The following PRKAR1B variants were observed in gnomAD, a reference collection of about 807,000 sequenced individuals.
PRKAR1B encodes the protein protein kinase cAMP-dependent type I regulatory subunit beta, also known as cAMP-dependent protein kinase type I-beta regulatory subunit.
A neutral mutation model predicts 46.5 loss-of-function variants in PRKAR1B; 22 were observed. That is an observed-to-expected ratio of 0.47 (90% CI 0.34 to 0.68). The LOEUF (loss-of-function observed/expected upper bound fraction) is 0.68. Ranked by LOEUF, PRKAR1B falls within the 30% of genes least tolerant of loss-of-function variation. The pLI is 0.01. For synonymous variants in PRKAR1B, 259 were observed against 217.7 expected (o/e 1.19, Z -1.67); for missense variants, 445 against 535.6 (o/e 0.83, Z 1.67).
chr7:580,220 C>A (rs1231529992), intron 8 of PRKAR1B, among the ~76,000 whole-genome samples: 1 of 138,612 alleles, frequency 7.2e-6, no homozygotes, highest in East Asian at 2.0e-4. Flanking sequence ...GACAGAGCAA[C>A]ACCCTGTCTC....
At chr7:559,036 G>A (rs1026575568) in intron 9 of PRKAR1B, among the ~76,000 whole-genome samples, 1 of 152,206 alleles carries the variant, frequency 6.6e-6, no homozygotes, top group African/African-American at 2.4e-5. Flanking sequence ...TGCCTTCCTC[G>A]GAGCTGCCGA....
At chr7:702,731 G>A (rs1221800580) in intron 2 of PRKAR1B, among the ~76,000 whole-genome samples, 4 of 152,194 alleles carry the variant, frequency 2.6e-5, no homozygotes, top group African/African-American at 9.7e-5. Context: ...GCTGAGGCAG[G>A]AGAATGGTGT....
intron 8 of PRKAR1B, among the ~76,000 whole-genome samples, chr7:582,294 C>T (rs1224929596): frequency 6.6e-6 from 1 of 152,234 alleles, no homozygotes; most frequent in East Asian, 1.9e-4. Context: ...AGCGGGGTCC[C>T]AGGAGCATCC....
chr7:577,824 A>G (rs1779946610), intron 9 of PRKAR1B, among the ~76,000 whole-genome samples: 1 of 152,200 alleles, frequency 6.6e-6, no homozygotes, highest in African/African-American at 2.4e-5. Context: ...AGGAGGTGGA[A>G]TGAACAGCTT....
chr7:585,360 A>T (rs1780536458), intron 7 of PRKAR1B, among the ~76,000 whole-genome samples: 1 of 152,070 alleles, frequency 6.6e-6, no homozygotes, highest in South Asian at 2.1e-4. Flanking sequence ...CACGAACTCC[A>T]CAACTGTACA....
At chr7:679,039 G>A (rs574767817) in intron 3 of PRKAR1B, among the ~76,000 whole-genome samples, 1 of 152,344 alleles carries the variant, frequency 6.6e-6, no homozygotes, top group East Asian at 1.9e-4. Flanking sequence ...GGTGAGCTGA[G>A]ATCATGCCAT....
In PRKAR1B at chr7:632,411, C is replaced by T. The variant is rs181026345; in HGVS notation, c.441-24959G>A. Among the ~76,000 whole-genome samples, 921 of 152,300 alleles carry T rather than the reference C, an allele frequency of 6.0e-3. 3 individuals are homozygous for T. Among genetic ancestry groups the T allele is most frequent in the Middle Eastern group, 0.01 (3 of 294 alleles). ...TCCCATCCACTGCCCCCCAACACAG[C>T]CCCCCGAGCCGCAGGCTCCACCGGG... On this transcript the variant is annotated intron_variant, in intron 4 of 10. Transcript: ENST00000537384.
At chr7:655,625 A>G (rs574349699) in intron 4 of PRKAR1B, among the ~76,000 whole-genome samples, 19 of 152,304 alleles carry the variant, frequency 1.2e-4, no homozygotes, top group Middle Eastern at 3.4e-3. Context: ...AAAAGAGTTG[A>G]GTAAAGCCAG....
At position 644,614 on chromosome 7, in the gene PRKAR1B, G is replaced by A. The variant is rs1784539123; in HGVS notation, c.440+32615C>T. On this transcript the variant is annotated intron_variant, in intron 4 of 10. Transcript: ENST00000537384. This position sits in a 1 kb window ranked among gnomAD's most constrained non-coding sequence, Gnocchi z 4.9. ...GTGCCCACAACTGGAAGGAAGCAAT[G>A]CAGGGCCGTTCTCAGCCTCAGCAGC... Among the ~76,000 whole-genome samples the A allele has an allele frequency of 6.6e-6, 1 of 152,202 alleles. No homozygotes were observed. Among genetic ancestry groups the A allele is most frequent in the Non-Finnish European group, 1.5e-5 (1 of 68,042 alleles).
At chr7:627,764 G>A (rs1308473212) in intron 4 of PRKAR1B, among the ~76,000 whole-genome samples, 1 of 134,754 alleles carries the variant, frequency 7.4e-6, no homozygotes, top group Non-Finnish European at 1.6e-5. Flanking sequence ...GAGGAGGTGA[G>A]CACCCGCCAC....
intron 4 of PRKAR1B, among the ~76,000 whole-genome samples, chr7:660,009 C>T (rs28499234): frequency 0.011 from 1,747 of 152,176 alleles, 43 homozygotes; most frequent in African/African-American, 0.04. Context: ...AGCCAGTGGC[C>T]TCTCTCCCTT....
intron 2 of PRKAR1B, among the ~76,000 whole-genome samples, chr7:693,088 C>T (rs182826090): frequency 6.6e-6 from 1 of 151,830 alleles, no homozygotes; most frequent in Non-Finnish European, 1.5e-5. Context: ...GCGCCCACCA[C>T]CACACCCAGC....
chr7:711,374 T>G lies in PRKAR1B; in HGVS notation c.132A>C (p.Glu44Asp), dbSNP rs1583452245. 1 of 1,614,186 alleles carries G rather than the reference T, an allele frequency of 6.2e-7. No homozygotes were observed. The highest frequency in any genetic ancestry group is 8.5e-7 in the Non-Finnish European group (1 of 1,180,014). ...GCTCCCGGAGGAACTTCATGGGGCG[T>G]TCGGGCTTGGAGATGCAGAGGTGGA... ...CIVHLCISKP[E>D]RPMKFLREHF... The change falls in exon 2 of 11, where the codon GAA becomes GAC. Residue 44 changes from glutamate to aspartate, a missense_variant. Glu to Asp is a conservative substitution (Grantham distance 45). This residue lies in a region of PRKAR1B where 155 missense variants were observed against 127.5 expected (regional missense o/e 1.22). Transcript: ENST00000537384.
chr7:562,824 C>T (rs1028921208), intron 9 of PRKAR1B, among the ~76,000 whole-genome samples: 2 of 152,228 alleles, frequency 1.3e-5, no homozygotes, highest in African/African-American at 4.8e-5. Flanking sequence ...ATGACTCCCT[C>T]CACCATGCTG....
At chr7:582,782 G>A (rs1780267179) in intron 8 of PRKAR1B, among the ~76,000 whole-genome samples, 1 of 152,244 alleles carries the variant, frequency 6.6e-6, no homozygotes, top group Non-Finnish European at 1.5e-5. Flanking sequence ...GGCACCAGGG[G>A]CCGGACCACC....
At chr7:619,556 G>A (rs934996774) in intron 4 of PRKAR1B, among the ~76,000 whole-genome samples, 1 of 152,186 alleles carries the variant, frequency 6.6e-6, no homozygotes, top group Non-Finnish European at 1.5e-5. Flanking sequence ...AAAACCGGGT[G>A]ATCTGGCTCC....
At chr7:557,113 G>A (rs997306786) in intron 9 of PRKAR1B, among the ~76,000 whole-genome samples, 2 of 152,198 alleles carry the variant, frequency 1.3e-5, no homozygotes, top group Non-Finnish European at 2.9e-5. Context: ...GAGGAGGGGA[G>A]CGCGGTCTCC....
intron 4 of PRKAR1B, among the ~76,000 whole-genome samples, chr7:671,088 C>T (rs990546211): frequency 6.6e-6 from 1 of 152,156 alleles, no homozygotes; most frequent in African/African-American, 2.4e-5. Flanking sequence ...CTGAAGCGAC[C>T]GTCCACCTCC....
intron 9 of PRKAR1B, among the ~76,000 whole-genome samples, chr7:572,642 C>A (rs1051456833): frequency 1.3e-5 from 2 of 152,228 alleles, no homozygotes; most frequent in Non-Finnish European, 2.9e-5. Flanking sequence ...CATCTTCGGG[C>A]GGAGTGGGAG....
Sources: allele counts gnomAD v4.1 joint callset (sites outside exome capture counted in the v4.1 genomes callset), GRCh38; gene constraint gnomAD v4.1.1; regional missense constraint gnomAD v4.1.1; non-coding constraint Gnocchi (gnomAD v3.1); transcripts MANE v1.5; gene names NCBI Gene and HGNC (gene_info 2026-07-23, HGNC 2026-07-21).